HOMER2: variants seen among roughly 807,000 people sequenced by gnomAD.
HOMER2 encodes the protein homer scaffold protein 2, also known as homer protein homolog 2.
A neutral mutation model predicts 47.0 loss-of-function variants in HOMER2; 27 were observed. The ratio of observed to expected loss-of-function variants is 0.57; its 90% confidence interval spans 0.42 to 0.79. The LOEUF (loss-of-function observed/expected upper bound fraction) is 0.79. HOMER2 is among the 30% of genes least tolerant of loss of function. HOMER2 has a pLI of 0.00. For missense variants in HOMER2, 443 were observed against 435.0 expected, an observed-to-expected ratio of 1.02 and a Z score of -0.16; for synonymous variants, 161 against 163.8, an observed-to-expected ratio of 0.98 and a Z score of 0.13.
intron 1 of HOMER2, among the ~76,000 whole-genome samples, chr15:82,942,589 G>A (rs1423152693): frequency 6.6e-6 from 1 of 152,188 alleles, no homozygotes; most frequent in Non-Finnish European, 1.5e-5. Flanking sequence ...GACACAGGTA[G>A]GTCACTGCTG....
At position 82,952,584 on chromosome 15, in the gene HOMER2, T is replaced by C; in HGVS notation, c.-49A>G. On this transcript the variant is annotated 5_prime_UTR_variant, in exon 1 of 9. Transcript: ENST00000450735. ...CTCCGACGGGGCCTCTCGCGCTCGC[T>C]CTCCGCCCGCTCGGCAGCCGCTCCC... 2 of 1,150,106 alleles carry C rather than the reference T, an allele frequency of 1.7e-6. No homozygotes were observed. Among genetic ancestry groups the C allele is most frequent in the South Asian group, 4.2e-5 (1 of 23,630 alleles). 71.2% of individuals were successfully genotyped at this position (1,150,106 alleles called of 1,614,324 possible).
At chr15:82,868,296 T>C (rs2052044844) in intron 3 of HOMER2, among the ~76,000 whole-genome samples, 1 of 151,006 alleles carries the variant, frequency 6.6e-6, no homozygotes, top group Admixed American at 6.6e-5. Flanking sequence ...TTTACTCTTT[T>C]GATAGTCTCT....
At chr15:82,922,755 T>C (rs1160427019) in intron 1 of HOMER2, among the ~76,000 whole-genome samples, 3 of 152,152 alleles carry the variant, frequency 2.0e-5, no homozygotes, top group Admixed American at 2.0e-4. Flanking sequence ...TGAGCCAAAA[T>C]CCAAGTCCTC....
rs551262555 is a variant in HOMER2 at position 82,965,627 on chromosome 15, G to A, written n.83-6319C>T. On this transcript the variant is annotated intron_variant and non_coding_transcript_variant, in intron 1 of 1. Transcript: ENST00000500334. ...CTCAGACGTGTTACCTAACTTCCCT[G>A]TACCTCAAGTTCCCTAGCTGTAAAA... is the stretch of plus-strand genomic sequence containing the variant. Among the ~76,000 whole-genome samples the A allele has an allele frequency of 1.3e-3, 193 of 152,180 alleles. 1 individual carries two copies. The highest frequency in any genetic ancestry group is 2.5e-3 in the Non-Finnish European group (167 of 68,020).
intron 1 of HOMER2, among the ~76,000 whole-genome samples, chr15:82,963,814 A>G (rs74728757): frequency 0.035 from 5,255 of 151,572 alleles, 274 homozygotes; most frequent in African/African-American, 0.12. Flanking sequence ...AACCCTCAAA[A>G]CTCCCATGGG....
intron 2 of HOMER2, among the ~76,000 whole-genome samples, chr15:82,879,880 A>T (rs1323663244): frequency 6.6e-6 from 1 of 152,264 alleles, no homozygotes; most frequent in Admixed American, 6.5e-5. Context: ...AGAATGGATA[A>T]ATACACTGCA....
intron 2 of HOMER2, among the ~76,000 whole-genome samples, chr15:82,889,451 C>T (rs1567034411): frequency 1.3e-5 from 2 of 152,230 alleles, no homozygotes; most frequent in East Asian, 1.9e-4. Flanking sequence ...GGAACCAAGC[C>T]GACTGAACAG....
chr15:82,868,290 C>T (rs1256436), intron 3 of HOMER2, among the ~76,000 whole-genome samples: 78,363 of 149,792 alleles, frequency 0.52, 20,879 homozygotes, highest in African/African-American at 0.63. Flanking sequence ...TGTCTGTTTA[C>T]TCTTTTGATA....
intron 1 of HOMER2, among the ~76,000 whole-genome samples, chr15:82,895,937 G>A (rs1028901648): frequency 7.9e-5 from 12 of 152,126 alleles, no homozygotes; most frequent in African/African-American, 2.7e-4. Flanking sequence ...GGAAGCTGGG[G>A]AGACATTCAC....
chr15:82,875,482 G>T, intron 2 of HOMER2, 78 bp from the exon 3 acceptor site: 1 of 1,479,092 alleles, frequency 6.8e-7, no homozygotes, highest in Non-Finnish European at 9.3e-7. Context: ...TCTTCTATTG[G>T]CAAAGCCAGT....
chr15:82,899,414 C>T (rs1567041551), intron 1 of HOMER2, among the ~76,000 whole-genome samples: 1 of 152,198 alleles, frequency 6.6e-6, no homozygotes, highest in African/African-American at 2.4e-5. Flanking sequence ...CAACAGGCTA[C>T]GCCAGCCAGC....
chr15:82,950,691 AAGTG>A (rs2054488034), intron 1 of HOMER2, among the ~76,000 whole-genome samples: 1 of 152,260 alleles, frequency 6.6e-6, no homozygotes, highest in African/African-American at 2.4e-5. Flanking sequence ...TATCTACGAG[AAGTG>A]AGTAATATAT....
At chr15:82,977,086 G>C (rs1323088438) in intron 1 of HOMER2, among the ~76,000 whole-genome samples, 1 of 151,898 alleles carries the variant, frequency 6.6e-6, no homozygotes, top group African/African-American at 2.4e-5. Flanking sequence ...CTTTAGATTA[G>C]GATTATACCT....
intron 1 of HOMER2, 67 bp downstream of exon 1, chr15:82,952,464 C>T (rs1293186075): frequency 3.6e-6 from 4 of 1,103,844 alleles, no homozygotes; most frequent in Non-Finnish European, 3.4e-6. Flanking sequence ...AGCCCGGTTA[C>T]GCCAGCCGCG....
chr15:82,972,933 G>A (rs966782685), intron 1 of HOMER2, among the ~76,000 whole-genome samples: 1 of 152,206 alleles, frequency 6.6e-6, no homozygotes, highest in African/African-American at 2.4e-5. Context: ...GAGTTCTCAA[G>A]AATCATTAAA....
chr15:82,930,084 C>T (rs769042878), intron 1 of HOMER2, among the ~76,000 whole-genome samples: 1 of 152,178 alleles, frequency 6.6e-6, no homozygotes, highest in Non-Finnish European at 1.5e-5. Context: ...TCAAGTTGTA[C>T]TCTTGAAATA....
chr15:82,876,673 G>A (rs2621226), intron 2 of HOMER2, among the ~76,000 whole-genome samples: 77,638 of 152,044 alleles, frequency 0.51, 20,306 homozygotes, highest in African/African-American at 0.62. Flanking sequence ...ATTCTAAAGA[G>A]TGAACCTACC....
chr15:82,978,760 C>T (rs903597479), intron 1 of HOMER2, among the ~76,000 whole-genome samples: 14 of 152,080 alleles, frequency 9.2e-5, no homozygotes, highest in African/African-American at 9.7e-5. Context: ...CTCACTCTGT[C>T]GCCAGACTGA....
chr15:82,980,327 T>C (rs1302423696), intron 1 of HOMER2, among the ~76,000 whole-genome samples: 1 of 152,096 alleles, frequency 6.6e-6, no homozygotes, highest in Non-Finnish European at 1.5e-5. Flanking sequence ...CAGGGCCAGG[T>C]ACCAGGCAAC....
Sources: gnomAD v4.1 joint callset for allele counts (sites outside exome capture counted in the v4.1 genomes callset) on GRCh38, gnomAD v4.1.1 for gene constraint, MANE v1.5 for transcripts, NCBI Gene and HGNC (gene_info 2026-07-23, HGNC 2026-07-21) for gene names.